The following RYR3 variants were observed in gnomAD, a reference collection of about 807,000 sequenced individuals.
RYR3 encodes ryanodine receptor 3.
Under a neutral mutation model 584.3 loss-of-function variants are expected in RYR3, and 207 were observed. The ratio of observed to expected loss-of-function variants is 0.35; its 90% CI spans 0.32 to 0.40. The LOEUF is 0.40. Among genes scored for constraint, RYR3 ranks in the 10% least tolerant of loss-of-function variants. RYR3 has a pLI of 1.00. For synonymous variants in RYR3, 2,416 were observed against 2,248.5 expected (o/e 1.07, Z -2.11); for missense variants, 5,616 against 6,089.2 (o/e 0.92, Z 2.59).
intron 64 of RYR3, among the ~76,000 whole-genome samples, chr15:33,777,855 C>T (rs1373345152): frequency 1.3e-5 from 2 of 151,882 alleles, no homozygotes; most frequent in Admixed American, 6.5e-5. Context: ...CCCCTTGTCT[C>T]CTAGGTTCAT....
chr15:33,487,006 T>C (rs1645340261), intron 2 of RYR3, among the ~76,000 whole-genome samples: 1 of 152,080 alleles, frequency 6.6e-6, no homozygotes, highest in Admixed American at 6.6e-5. Flanking sequence ...AAGACCACCC[T>C]GGCCAACATG....
chr15:33,650,362 C>T (rs1225438200), intron 31 of RYR3, among the ~76,000 whole-genome samples: 1 of 152,060 alleles, frequency 6.6e-6, no homozygotes, highest in Non-Finnish European at 1.5e-5. Flanking sequence ...GGCAACAGAG[C>T]AAGTCTCTGT....
intron 1 of RYR3, among the ~76,000 whole-genome samples, chr15:33,435,476 T>TGC (rs1172583485): frequency 1.3e-5 from 2 of 152,320 alleles, no homozygotes; most frequent in East Asian, 1.9e-4. Context: ...TGTGTGTGTG[T>TGC]GCTATTTCAC....
intron 8 of RYR3, among the ~76,000 whole-genome samples, chr15:33,545,702 A>C (rs1595528667): frequency 1.3e-5 from 2 of 152,230 alleles, no homozygotes; most frequent in Admixed American, 1.3e-4. Flanking sequence ...ATTGTCAGGT[A>C]AACCCTCAGA....
rs190805278 is a variant in RYR3 at position 33,586,652 on chromosome 15, A to G, written c.1788+536A>G. ...TCCTTCCCTTTTATACAACGCAGCT[A>G]TATGAGCTGGGGCCTCAGTTATGTC... On this transcript the variant is annotated intron_variant, in intron 16 of 103. Coordinates refer to ENST00000634891, the MANE Select transcript of RYR3 (RefSeq NM_001036.6). Among the ~76,000 whole-genome samples, 13 of 152,346 alleles carry G rather than the reference A, an allele frequency of 8.5e-5. No individual in the cohort carries two copies. In the East Asian group the frequency reaches 2.1e-3, roughly 25 times the overall value.
At chr15:33,542,213 G>T (rs1375215671) in intron 7 of RYR3, among the ~76,000 whole-genome samples, 1 of 152,060 alleles carries the variant, frequency 6.6e-6, no homozygotes, top group Non-Finnish European at 1.5e-5. Flanking sequence ...TCATGATGCT[G>T]CTTTCCTGAC....
intron 76 of RYR3, among the ~76,000 whole-genome samples, chr15:33,819,238 C>T (rs1392658709): frequency 2.0e-5 from 3 of 152,228 alleles, no homozygotes. Flanking sequence ...TCTCTGAATT[C>T]CATGTTAAGC....
At chr15:33,684,360 A>G (rs2064841728) in intron 38 of RYR3, among the ~76,000 whole-genome samples, 1 of 152,204 alleles carries the variant, frequency 6.6e-6, no homozygotes, top group Non-Finnish European at 1.5e-5. Context: ...CAGAGTCTGG[A>G]GTGAACCTCT....
At chr15:33,724,349 C>A (rs2068186210) in intron 45 of RYR3, among the ~76,000 whole-genome samples, 173 bp downstream of exon 45, 1 of 152,200 alleles carries the variant, frequency 6.6e-6, no homozygotes, top group African/African-American at 2.4e-5. Context: ...GACTCTGCTG[C>A]TTTCTAGGGA....
At chr15:33,771,088 C>G (rs572284642) in intron 62 of RYR3, among the ~76,000 whole-genome samples, 1 of 151,830 alleles carries the variant, frequency 6.6e-6, no homozygotes, top group African/African-American at 2.4e-5. Flanking sequence ...TACTTTAAAA[C>G]GGCTAGTTGT....
intron 70 of RYR3, among the ~76,000 whole-genome samples, chr15:33,808,793 G>C (rs16958077): frequency 0.031 from 4,726 of 152,210 alleles, 241 homozygotes; most frequent in African/African-American, 0.11. Flanking sequence ...ACACCAGGAG[G>C]CTCCTTCTCT....
chr15:33,382,687 A>G (rs182565337), intron 1 of RYR3, among the ~76,000 whole-genome samples: 82 of 152,336 alleles, frequency 5.4e-4, no homozygotes, highest in Non-Finnish European at 8.4e-4. Flanking sequence ...GTACATTCAT[A>G]TGACGTAATC....
intron 11 of RYR3, among the ~76,000 whole-genome samples, chr15:33,564,249 A>G (rs1480452909): frequency 1.3e-5 from 2 of 152,326 alleles, no homozygotes; most frequent in South Asian, 4.1e-4. Flanking sequence ...CTAAAATTCT[A>G]CATGCCGTTT....
chr15:33,458,312 C>T (rs898319930), intron 1 of RYR3, among the ~76,000 whole-genome samples: 31 of 152,158 alleles, frequency 2.0e-4, no homozygotes, highest in African/African-American at 7.5e-4. Context: ...GGAAGAAGGG[C>T]AAATTCTCCC....
Position 33,646,544 on chromosome 15 carries a change from A to T in RYR3, c.3941+18A>T. The T allele has an allele frequency of 6.3e-7, 1 of 1,594,128 alleles. No individual in the cohort carries two copies. The highest frequency in any genetic ancestry group is 8.6e-7 in the Non-Finnish European group (1 of 1,167,124). On this transcript the variant is annotated intron_variant, in intron 29 of 103. Transcript: ENST00000634891. The stretch of plus-strand genomic sequence containing the variant: ...CAGAAAAGGTGAGGGTGAGGCCTCC[A>T]GTTCTCAGAGGCACTCATTGTATCT...
At chr15:33,514,090 A>T (rs1484768238) in intron 3 of RYR3, among the ~76,000 whole-genome samples, 1 of 152,120 alleles carries the variant, frequency 6.6e-6, no homozygotes. Context: ...TGAAACCCGG[A>T]TAGTCAATTC....
chr15:33,562,414 G>C (rs1401987362), intron 10 of RYR3, among the ~76,000 whole-genome samples: 2 of 152,216 alleles, frequency 1.3e-5, no homozygotes, highest in African/African-American at 4.8e-5. Flanking sequence ...GAAAGCCTCT[G>C]AGTCAGTGCA....
chr15:33,531,456 C>T (rs899119526), intron 4 of RYR3, among the ~76,000 whole-genome samples: 3 of 151,902 alleles, frequency 2.0e-5, no homozygotes, highest in African/African-American at 7.2e-5. Flanking sequence ...CACTTTCTTT[C>T]GGTGTAAGAA....
intron 67 of RYR3, among the ~76,000 whole-genome samples, chr15:33,794,340 T>TAAC (rs2075442735): frequency 2.1e-5 from 3 of 139,980 alleles, no homozygotes; most frequent in East Asian, 2.1e-4. Context: ...TATGTTTATA[T>TAAC]ATATAAAAAT....
Sources: allele counts gnomAD v4.1 joint callset (sites outside exome capture counted in the v4.1 genomes callset), GRCh38; gene constraint gnomAD v4.1.1; transcripts MANE v1.5; gene names NCBI Gene and HGNC (gene_info 2026-07-23, HGNC 2026-07-21).